The following SUOX variants were observed in gnomAD, a reference collection of about 807,000 sequenced individuals.
SUOX encodes the protein sulfite oxidase.
SUOX carries 39 observed loss-of-function variants against 41.9 expected under a neutral mutation model. The ratio of observed to expected loss-of-function variants is 0.93; its 90% CI spans 0.72 to 1.21. The LOEUF is 1.21. Among genes scored for constraint, SUOX ranks in the 50% most tolerant of loss-of-function variants. The probability of loss-of-function intolerance (pLI) is 0.00; values close to 1 mark genes in which losing one functional copy is unlikely to be tolerated. For missense variants in SUOX, 633 were observed against 689.5 expected (o/e 0.92, Z 0.92); for synonymous variants, 220 against 268.4 (o/e 0.82, Z 1.76).
At position 56,004,283 on chromosome 12, in the gene SUOX, C is replaced by T. The variant is rs1185471556; in HGVS notation, c.894C>T (p.Leu298=). 3 of 1,614,080 alleles carry T rather than the reference C, an allele frequency of 1.9e-6. No individual in the cohort carries two copies. The highest frequency in any genetic ancestry group is 1.1e-5 in the South Asian group (1 of 91,084). ...CTGCACGCTGGGCTGGGGCACGGCT[C>T]TGTGATGTGTTAGCCCAGGCTGGCC... ...ISTARWAGAR[L]CDVLAQAGHQ... The change falls in exon 5 of 5, where the codon CTC becomes CTT. Residue 298 remains leucine, a synonymous_variant. Coordinates refer to ENST00000266971, the MANE Select transcript of SUOX (RefSeq NM_001032386.2). This position sits in a 1 kb window ranked among gnomAD's most constrained non-coding sequence, Gnocchi z 4.5.
Position 56,004,967 on chromosome 12 carries a change from G to C in SUOX, c.1578G>C (p.Trp526Cys). 6.2e-7 allele frequency: 1 copy of C among 1,614,126 alleles called. No individual in the cohort carries two copies. The highest frequency in any genetic ancestry group is 1.1e-5 in the South Asian group (1 of 91,090). The change falls in exon 5 of 5, where the codon TGG (tryptophan) becomes TGC (cysteine). Residue 526 changes from tryptophan to cysteine, a missense_variant. Physicochemically the swap from Trp to Cys is radical, Grantham distance 215. Coordinates refer to ENST00000266971, the MANE Select transcript of SUOX (RefSeq NM_001032386.2). This position sits in a 1 kb window ranked among gnomAD's most constrained non-coding sequence, Gnocchi z 4.5. Reference sequence around the variant, plus strand: ...AGCCAGACACCGTGGCCCCAATCTGGAACCTGCGAGGTGTTCTCAGCAATG... The same window carrying C: ...AGCCAGACACCGTGGCCCCAATCTGCAACCTGCGAGGTGTTCTCAGCAATG... ...NVQPDTVAPI[W>C]NLRGVLSNAW... is the part of the protein sequence containing the mutation.
Position 56,003,712 on chromosome 12 carries a change from T to G in SUOX, c.323T>G (p.Val108Gly). The G allele has an allele frequency of 6.2e-7, 1 of 1,612,418 alleles. No individual in the cohort carries two copies. Residue 108 changes from valine (V) to glycine (G), a missense_variant, in exon 5 of 5, where the codon GTC becomes GGC. Transcript: ENST00000266971. ...ATCTGGGTGACTCTGGGCTCTGAGG[T>G]CTTTGATGTCACAGAATTTGTGGAC... Reference protein sequence around the residue: ...TGIWVTLGSEVFDVTEFVDLH... With the variant: ...TGIWVTLGSEGFDVTEFVDLH...
Position 56,004,591 on chromosome 12 carries a change from A to G in SUOX, c.1202A>G (p.Lys401Arg), listed in dbSNP as rs771413111. 2.5e-6 allele frequency: 4 copies of G among 1,614,042 alleles called. No individual in the cohort carries two copies. Among genetic ancestry groups the G allele is most frequent in the East Asian group, 4.5e-5 (2 of 44,888 alleles). ...AGCCACTGGCAACGGCGGGATTACA[A>G]AGGCTTCTCTCCATCTGTGGACTGG... Reference protein sequence around the residue: ...SYSHWQRRDYKGFSPSVDWET... With the variant: ...SYSHWQRRDYRGFSPSVDWET... The change falls in exon 5 of 5, where the codon AAA becomes AGA. Residue 401 changes from lysine to arginine, a missense_variant. Coordinates refer to ENST00000266971, the MANE Select transcript of SUOX (RefSeq NM_001032386.2). This position sits in a 1 kb window ranked among gnomAD's most constrained non-coding sequence, Gnocchi z 4.5.
chr12:55,999,852 A>G (rs937685929), intron 2 of SUOX, among the ~76,000 whole-genome samples: 1 of 151,888 alleles, frequency 6.6e-6, no homozygotes, highest in Non-Finnish European at 1.5e-5. Context: ...GGTTCTCCAC[A>G]TCCCCACCAG....
rs1176169829 is a variant in SUOX, at chr12:56,004,111, A to C, written c.722A>C (p.Gln241Pro). Residue 241 changes from glutamine to proline, a missense_variant, in exon 5 of 5, where the codon CAG (glutamine) becomes CCG (proline). Gln to Pro is a moderately conservative substitution (Grantham distance 76, BLOSUM62 -1). Coordinates refer to ENST00000266971, the MANE Select transcript of SUOX (RefSeq NM_001032386.2). This position sits in a 1 kb window ranked among gnomAD's most constrained non-coding sequence, Gnocchi z 4.5. ...RLHVVGAPGG[Q>P]SLSLSLDDLH... ...CACGTAGTAGGAGCACCTGGGGGTC[A>C]GTCACTGTCTCTTTCCCTGGATGAC... 5.0e-6 allele frequency: 8 copies of C among 1,614,114 alleles called. No individual in the cohort carries two copies. Among genetic ancestry groups the C allele is most frequent in the Non-Finnish European group, 6.8e-6 (8 of 1,180,044 alleles).
chr12:56,001,917 G>A, intron 2 of SUOX: 5 of 1,286,420 alleles, frequency 3.9e-6, no homozygotes, highest in East Asian at 3.8e-5. Flanking sequence ...TCTCTATGGT[G>A]GACAAAGTTC....
chr12:56,004,823 G>C lies in SUOX; in HGVS notation c.1434G>C (p.Glu478Asp), dbSNP rs2136513270. The C allele has an allele frequency of 2.5e-6, 4 of 1,614,154 alleles. No homozygotes were observed. The highest frequency in any genetic ancestry group is 2.5e-6 in the Non-Finnish European group (3 of 1,180,018). ...GGCAGGTGGCTAAGCTGGATGGAGA[G>C]GAACAGCGCCCCAGGAAGGCCTGGG... ...LTWQVAKLDG[E>D]EQRPRKAWAW... Residue 478 changes from glutamate to aspartate, a missense_variant, in exon 5 of 5, where the codon GAG becomes GAC. Physicochemically the swap from Glu to Asp is conservative, Grantham distance 45. Coordinates refer to ENST00000266971, the MANE Select transcript of SUOX (RefSeq NM_001032386.2). This position sits in a 1 kb window ranked among gnomAD's most constrained non-coding sequence, Gnocchi z 4.5.
intron 2 of SUOX, among the ~76,000 whole-genome samples, chr12:56,000,192 C>T (rs1449771270): frequency 6.6e-6 from 1 of 152,194 alleles, no homozygotes; most frequent in Non-Finnish European, 1.5e-5. Context: ...TGCCGTGGAG[C>T]AGGGGTCGGT....
At position 56,005,163 on chromosome 12, in the gene SUOX, T is replaced by A; in HGVS notation, c.*136T>A. 1 of 989,000 alleles carries A rather than the reference T, an allele frequency of 1.0e-6. No individual in the cohort carries two copies. Among genetic ancestry groups the A allele is most frequent in the Non-Finnish European group, 1.5e-6 (1 of 646,254 alleles). 61.3% of individuals were successfully genotyped at this position (989,000 alleles called of 1,614,324 possible). A position where few individuals can be genotyped will look rare whatever the true frequency, so the allele number is the denominator to read the frequency against. On this transcript the variant is annotated 3_prime_UTR_variant, in exon 5 of 5. Coordinates refer to ENST00000266971, the MANE Select transcript of SUOX (RefSeq NM_001032386.2). ...CATACCCAAGTACACATATAGCACA[T>A]TTCACCCAAGGACCTTCCCTCTTTG... is the stretch of plus-strand genomic sequence containing the variant.
At chr12:55,999,852 A>C (rs937685929) in intron 2 of SUOX, among the ~76,000 whole-genome samples, 5 of 152,006 alleles carry the variant, frequency 3.3e-5, no homozygotes, top group Non-Finnish European at 7.4e-5. Context: ...GGTTCTCCAC[A>C]TCCCCACCAG....
Position 56,005,337 on chromosome 12 carries a change from C to T in SUOX, c.*310C>T. 1 of 590,384 alleles carries T rather than the reference C, an allele frequency of 1.7e-6. No homozygotes were observed. Among genetic ancestry groups the T allele is most frequent in the Non-Finnish European group, 3.0e-6 (1 of 332,564 alleles). 36.6% of individuals were successfully genotyped at this position (590,384 alleles called of 1,614,324 possible). ...CACCTCCATTTCTAATGCCTACTGCCATCAAGGCCTTGTTTTGCTTTTCTT... is the reference window on the plus strand; with the variant it reads ...CACCTCCATTTCTAATGCCTACTGCTATCAAGGCCTTGTTTTGCTTTTCTT... On this transcript the variant is annotated 3_prime_UTR_variant, in exon 5 of 5. Transcript: ENST00000266971.
chr12:56,000,238 C>T (rs902708134), intron 2 of SUOX, among the ~76,000 whole-genome samples: 9 of 152,192 alleles, frequency 5.9e-5, no homozygotes, highest in South Asian at 2.1e-4. Context: ...CAGGAGCCCA[C>T]GGCGAAGGGG....
Position 56,002,591 on chromosome 12 carries a change from T to C in SUOX, c.99T>C (p.Asn33=). Residue 33 remains asparagine (N), a synonymous_variant, in exon 4 of 5, where the codon AAT becomes AAC. Coordinates refer to ENST00000266971, the MANE Select transcript of SUOX (RefSeq NM_001032386.2). ...SRICIQACST[N]DSFQPQRPSL... ...TCTGCATTCAGGCCTGCTCCACAAA[T>C]GATTCATTTCAGCCCCAGCGCCCCA... The C allele has an allele frequency of 1.2e-6, 2 of 1,614,050 alleles. No individual in the cohort carries two copies. Among genetic ancestry groups the C allele is most frequent in the Non-Finnish European group, 1.7e-6 (2 of 1,180,030 alleles).
At chr12:56,001,040 C>T (rs1333601123) in intron 2 of SUOX, among the ~76,000 whole-genome samples, 1 of 151,992 alleles carries the variant, frequency 6.6e-6, no homozygotes, top group Non-Finnish European at 1.5e-5. Context: ...CCGTCTCAGC[C>T]TCCCAAAGTG....
Position 56,002,280 on chromosome 12 carries a change from G to T in SUOX, c.50+9G>T, listed in dbSNP as rs368327991. 2.5e-6 allele frequency: 4 copies of T among 1,610,420 alleles called. No individual in the cohort carries two copies. The Admixed American group carries it at 6.7e-5, about 27-fold the overall frequency. ...CTCCAACAGGCCTGCAGGTAGGCCA[G>T]CCCATCCCAGGACTTGCCTCCTAGC... On this transcript the variant is annotated intron_variant, in intron 3 of 4. Coordinates refer to ENST00000266971, the MANE Select transcript of SUOX (RefSeq NM_001032386.2).
At chr12:56,003,285 G>T (rs1890599695) in intron 4 of SUOX, among the ~76,000 whole-genome samples, 2 of 150,276 alleles carry the variant, frequency 1.3e-5, no homozygotes, top group African/African-American at 4.9e-5. Flanking sequence ...TTTTGAGATG[G>T]AGTTTCACTC....
chr12:56,004,013 C>T lies in SUOX; in HGVS notation c.624C>T (p.Ile208=). ...CTGAGCTGCTGACAGAAAACTACATCACACCCAACCCTATCTTCTTCACCC... is the reference window on the plus strand; with the variant it reads ...CTGAGCTGCTGACAGAAAACTACATTACACCCAACCCTATCTTCTTCACCC... ...PPPELLTENY[I]TPNPIFFTRN... is the part of the protein sequence containing the mutation. Residue 208 remains isoleucine, a synonymous_variant, in exon 5 of 5, where the codon ATC becomes ATT. Transcript: ENST00000266971. The surrounding 1 kb of genome is among the most constrained non-coding windows in gnomAD (Gnocchi z 4.5). 6.2e-7 allele frequency: 1 copy of T among 1,614,160 alleles called. No individual in the cohort carries two copies. The highest frequency in any genetic ancestry group is 8.5e-7 in the Non-Finnish European group (1 of 1,180,030).
At chr12:56,001,636 T>A (rs773126) in intron 2 of SUOX, 62,956 of 169,990 alleles carry the variant, frequency 0.37, 13,036 homozygotes, top group Non-Finnish European at 0.46. Context: ...ATTTCAGAGA[T>A]GAGGAAGCAA....
In SUOX at chr12:56,002,556, CCCT is replaced by C. The variant is rs765291957; in HGVS notation, c.66_68del (p.Ser23del). Reference sequence around the variant, plus strand: ...CCTCTCTTCCAGACTCAAGTCAATCCCCTCAAGGATCTGCATTCAGGCCTGCTC... The same window carrying C: ...CCTCTCTTCCAGACTCAAGTCAATCCCAAGGATCTGCATTCAGGCCTGCTC... On this transcript the variant is annotated inframe_deletion, in exon 4 of 5. Transcript: ENST00000266971. 45 of 1,613,996 alleles carry C rather than the reference CCCT, an allele frequency of 2.8e-5. No individual in the cohort carries two copies. Among genetic ancestry groups the C allele is most frequent in the Middle Eastern group, 3.3e-4 (2 of 6,084 alleles).
Sources: gnomAD v4.1 joint callset for allele counts (sites outside exome capture counted in the v4.1 genomes callset) on GRCh38, gnomAD v4.1.1 for gene constraint, Gnocchi (gnomAD v3.1) non-coding constraint, MANE v1.5 for transcripts, NCBI Gene and HGNC (gene_info 2026-07-23, HGNC 2026-07-21) for gene names.